The following RBFOX2 variants were observed in gnomAD, a reference collection of about 807,000 sequenced individuals.
The protein encoded by RBFOX2 is RNA binding protein fox-1 homolog 2.
In RBFOX2, 10 loss-of-function variants were observed where a neutral mutation model predicts 49.1. The observed-to-expected ratio is 0.20, with a 90% CI of 0.13 to 0.35. RBFOX2 has a LOEUF of 0.35. RBFOX2 is among the 10% of genes least tolerant of loss of function. The pLI is 1.00. For synonymous variants in RBFOX2, 183 were observed against 187.4 expected (o/e 0.98, Z 0.19); for missense variants, 323 against 486.9 (o/e 0.66, Z 3.17).
intron 1 of RBFOX2, among the ~76,000 whole-genome samples, chr22:35,906,224 C>T (rs2049115434): frequency 1.3e-5 from 2 of 152,112 alleles, no homozygotes; most frequent in Admixed American, 1.3e-4. Flanking sequence ...AGGAATTATA[C>T]ACAAGAAGTA....
At chr22:35,761,880 T>C (rs991254920) in intron 6 of RBFOX2, among the ~76,000 whole-genome samples, 3 of 152,190 alleles carry the variant, frequency 2.0e-5, no homozygotes, top group Non-Finnish European at 4.4e-5. Flanking sequence ...TGTTTATTAC[T>C]CTAGTTGTTT....
At chr22:35,796,787 GACC>G in intron 2 of RBFOX2, among the ~76,000 whole-genome samples, 1 of 152,102 alleles carries the variant, frequency 6.6e-6, no homozygotes, top group East Asian at 1.9e-4. Flanking sequence ...CATTATACAA[GACC>G]ACATTTGTTA....
intron 1 of RBFOX2, among the ~76,000 whole-genome samples, chr22:35,908,176 C>G (rs910737461): frequency 9.9e-5 from 15 of 152,040 alleles, no homozygotes; most frequent in African/African-American, 3.6e-4. Context: ...TAATGAGAAA[C>G]AGTCAAATAT....
At chr22:35,744,395 C>A in intron 11 of RBFOX2, 146 bp from the exon 14 acceptor site, 1 of 694,248 alleles carries the variant, frequency 1.4e-6, no homozygotes, top group South Asian at 2.9e-5. Flanking sequence ...GCAGTGAAGT[C>A]AGGAAACCAA....
upstream of RBFOX2, among the ~76,000 whole-genome samples, chr22:35,962,231 G>A (rs183372145): frequency 1.6e-4 from 25 of 152,282 alleles, no homozygotes; most frequent in East Asian, 2.9e-3. Flanking sequence ...TCCATCATAG[G>A]AAGAATAAAT....
chr22:35,954,755 A>G (rs1391450129), intron 1 of RBFOX2, among the ~76,000 whole-genome samples: 1 of 152,252 alleles, frequency 6.6e-6, no homozygotes. Flanking sequence ...AAAATAAGCT[A>G]GGGATTCTTT....
At chr22:35,745,752 T>C (rs1932390220) in intron 11 of RBFOX2, among the ~76,000 whole-genome samples, 171 bp downstream of exon 13, 1 of 152,214 alleles carries the variant, frequency 6.6e-6, no homozygotes, top group Non-Finnish European at 1.5e-5. Context: ...CACATTATAA[T>C]AACACACAAA....
At chr22:36,013,938 G>A (rs1309404196) in intron 1 of RBFOX2, among the ~76,000 whole-genome samples, 1 of 151,900 alleles carries the variant, frequency 6.6e-6, no homozygotes, top group Non-Finnish European at 1.5e-5. Context: ...TTACCGGTAG[G>A]GAATCTGGGC....
At chr22:35,873,753 C>T (rs574976568) in intron 1 of RBFOX2, among the ~76,000 whole-genome samples, 14 of 151,980 alleles carry the variant, frequency 9.2e-5, no homozygotes, top group Non-Finnish European at 2.1e-4. Flanking sequence ...CTTGGCTCAC[C>T]GCAACTTCTG....
chr22:35,946,025 G>A (rs142488943), intron 1 of RBFOX2, among the ~76,000 whole-genome samples: 1 of 151,948 alleles, frequency 6.6e-6, no homozygotes, highest in Admixed American at 6.6e-5. Flanking sequence ...AAATCAGCTG[G>A]TATAAGCAGT....
intron 1 of RBFOX2, among the ~76,000 whole-genome samples, chr22:35,817,949 AACACACAC>A (rs71322983): frequency 1.9e-4 from 27 of 143,458 alleles, no homozygotes; most frequent in African/African-American, 4.1e-4. Context: ...ATCACTTGTC[AACACACAC>A]ACACACACAC....
intron 1 of RBFOX2, among the ~76,000 whole-genome samples, chr22:35,946,426 A>G (rs1031705647): frequency 6.6e-6 from 1 of 152,188 alleles, no homozygotes; most frequent in African/African-American, 2.4e-5. Context: ...AAAATCCTTA[A>G]TATCTCTGAC....
At chr22:35,845,119 G>A (rs2041013037), upstream of RBFOX2, among the ~76,000 whole-genome samples, 1 of 152,110 alleles carries the variant, frequency 6.6e-6, no homozygotes, top group Admixed American at 6.5e-5. Context: ...ACATTAAAGG[G>A]AGAGCATTTC....
chr22:35,889,265 C>T (rs963581416), intron 1 of RBFOX2, among the ~76,000 whole-genome samples: 15 of 152,164 alleles, frequency 9.9e-5, no homozygotes, highest in African/African-American at 3.6e-4. Context: ...ATGAGACCCG[C>T]TCGGGGCATG....
At chr22:35,971,874 C>T (rs2056889570) in intron 1 of RBFOX2, among the ~76,000 whole-genome samples, 1 of 136,024 alleles carries the variant, frequency 7.4e-6, no homozygotes, top group Non-Finnish European at 1.5e-5. Flanking sequence ...CAGTTAGGAC[C>T]AAGCTCCTAG....
chr22:35,784,317 C>G (rs749176556), intron 2 of RBFOX2, among the ~76,000 whole-genome samples: 22 of 152,314 alleles, frequency 1.4e-4, no homozygotes, highest in Admixed American at 6.5e-4. Context: ...CAGGCGAAGT[C>G]ACACCACTTC....
chr22:35,773,670 A>C (rs1317031428), intron 4 of RBFOX2, among the ~76,000 whole-genome samples: 2 of 152,140 alleles, frequency 1.3e-5, no homozygotes, highest in African/African-American at 2.4e-5. Context: ...GAAGAGCTGA[A>C]CAACTTCAGC....
At position 35,810,014 on chromosome 22, in the gene RBFOX2, A is replaced by T. The variant is rs1951539599; in HGVS notation, c.28-10T>A. 6 of 1,612,688 alleles carry T rather than the reference A, an allele frequency of 3.7e-6. No homozygotes were observed. In the East Asian group the frequency reaches 1.3e-4, roughly 36 times the overall value. On this transcript the variant is annotated splice_polypyrimidine_tract_variant and intron_variant, in intron 1 of 11. Transcript: ENST00000405409. ...TCGGCTCCTGGTTACCCTAAAACAA[A>T]CAACAAGAGAAAGAAAAAGTGACTT...
rs541403741 is a variant in RBFOX2 at position 35,867,385 on chromosome 22, A to G, written c.-33-57381T>C. Among the ~76,000 whole-genome samples, 25 of 152,362 alleles carry G rather than the reference A, an allele frequency of 1.6e-4. No homozygotes were observed. The South Asian group carries it at 4.3e-3, about 26-fold the overall frequency. ...GCAGTTTTATATTTTGATGTCACCCAGAATGCCATAAAGTGATGACACCTA... is the reference window on the plus strand; with the variant it reads ...GCAGTTTTATATTTTGATGTCACCCGGAATGCCATAAAGTGATGACACCTA... On this transcript the variant is annotated intron_variant, in intron 1 of 13. Transcript: ENST00000359369.
Sources: allele counts gnomAD v4.1 joint callset (sites outside exome capture counted in the v4.1 genomes callset), GRCh38; gene constraint gnomAD v4.1.1; transcripts MANE v1.5; gene names NCBI Gene and HGNC (gene_info 2026-07-23, HGNC 2026-07-21).